The following TXNDC16 variants were observed in gnomAD, a reference collection of about 807,000 sequenced individuals.
TXNDC16 encodes the protein thioredoxin domain containing 16.
Under a neutral mutation model 85.6 loss-of-function variants are expected in TXNDC16, and 74 were observed. That is an observed-to-expected ratio of 0.86 (90% confidence interval 0.72 to 1.05). TXNDC16 has a LOEUF of 1.05. TXNDC16 is among the 50% of genes least tolerant of loss of function. The probability of loss-of-function intolerance (pLI) is 0.00; values close to 1 mark genes in which losing one functional copy is unlikely to be tolerated. For missense variants in TXNDC16, 959 were observed against 947.0 expected, an observed-to-expected ratio of 1.01 and a Z score of -0.17; for synonymous variants, 335 against 326.5, an observed-to-expected ratio of 1.03 and a Z score of -0.28.
intron 6 of TXNDC16, among the ~76,000 whole-genome samples, chr14:52,525,744 T>TAATAATAATAAA (rs1388745451): frequency 1.3e-4 from 14 of 105,130 alleles, no homozygotes; most frequent in African/African-American, 2.9e-4. Flanking sequence ...ATAATAATAA[T>TAATAATAATAAA]AAATAAAAAT....
Position 52,514,973 on chromosome 14 carries a change from G to C in TXNDC16, c.515-3C>G. 6.2e-7 allele frequency: 1 copy of C among 1,607,576 alleles called. No individual in the cohort carries two copies. Among genetic ancestry groups the C allele is most frequent in the Non-Finnish European group, 8.5e-7 (1 of 1,176,410 alleles). The stretch of plus-strand genomic sequence containing the variant: ...GGCTTCCATGACTGCTCTGTGCTCT[G>C]AAGAAGAGATAAAGGGAGTTGGAAG... On this transcript the variant is annotated splice_polypyrimidine_tract_variant and splice_region_variant and intron_variant, in intron 7 of 20. Transcript: ENST00000281741.
Position 52,494,449 on chromosome 14 carries a change from A to G in TXNDC16, c.757-3444T>C, listed in dbSNP as rs368438958. Among the ~76,000 whole-genome samples, 7 of 152,226 alleles carry G rather than the reference A, an allele frequency of 4.6e-5. No homozygotes were observed. In the East Asian group the frequency reaches 1.3e-3, roughly 29 times the overall value. ...CAACCCCTGTCCAACAGCCAGCAAG[A>G]AAACAGAAACCTGGGTCTTACAACC... is the stretch of plus-strand genomic sequence containing the variant. On this transcript the variant is annotated intron_variant, in intron 9 of 20. Transcript: ENST00000281741.
intron 1 of TXNDC16, among the ~76,000 whole-genome samples, chr14:52,549,158 G>C (rs2037996175): frequency 6.6e-6 from 1 of 152,188 alleles, no homozygotes; most frequent in African/African-American, 2.4e-5. Context: ...TTGATCCTTT[G>C]GGCTGCGAGA....
intron 14 of TXNDC16, among the ~76,000 whole-genome samples, chr14:52,477,888 G>A (rs182208125): frequency 2.9e-4 from 44 of 152,138 alleles, no homozygotes; most frequent in Admixed American, 1.3e-3. Context: ...CTATTCAACA[G>A]CACATGGAAC....
At chr14:52,466,148 G>A (rs2035767286) in intron 16 of TXNDC16, among the ~76,000 whole-genome samples, 1 of 150,998 alleles carries the variant, frequency 6.6e-6, no homozygotes, top group Admixed American at 6.6e-5. Context: ...ATAAATAAAA[G>A]CTCAGCAATA....
intron 9 of TXNDC16, among the ~76,000 whole-genome samples, chr14:52,509,921 C>T (rs897571654): frequency 6.6e-6 from 1 of 151,238 alleles, no homozygotes; most frequent in African/African-American, 2.4e-5. Context: ...GAGGAGCTTG[C>T]AGTGAGCCGA....
At chr14:52,502,399 C>CTGCATGTATAAAA (rs1254604425) in intron 9 of TXNDC16, among the ~76,000 whole-genome samples, 4 of 150,662 alleles carry the variant, frequency 2.7e-5, no homozygotes, top group Non-Finnish European at 5.9e-5. Context: ...TGGCACAACT[C>CTGCATGTATAAAA]TACAAAGTAC....
chr14:52,497,080 G>C (rs915957682), intron 9 of TXNDC16, among the ~76,000 whole-genome samples: 3 of 151,962 alleles, frequency 2.0e-5, no homozygotes, highest in African/African-American at 7.2e-5. Flanking sequence ...AAACATTCTT[G>C]CATTGGGGTA....
chr14:52,531,300 A>G (rs987581118), intron 6 of TXNDC16, among the ~76,000 whole-genome samples: 4 of 152,154 alleles, frequency 2.6e-5, no homozygotes, highest in Non-Finnish European at 4.4e-5. Flanking sequence ...CATACAGTCC[A>G]GCAATCACAC....
intron 6 of TXNDC16, among the ~76,000 whole-genome samples, chr14:52,535,741 C>A (rs970286577): frequency 6.6e-6 from 1 of 152,156 alleles, no homozygotes; most frequent in Non-Finnish European, 1.5e-5. Flanking sequence ...TAAACTTTCT[C>A]TCAGTAAACA....
At chr14:52,502,885 G>A (rs982691387) in intron 9 of TXNDC16, among the ~76,000 whole-genome samples, 8 of 152,300 alleles carry the variant, frequency 5.3e-5, no homozygotes, top group African/African-American at 1.4e-4. Context: ...CTAACACTGC[G>A]CTTTTCCAAC....
chr14:52,469,028 G>A (rs990171462), intron 16 of TXNDC16, among the ~76,000 whole-genome samples: 1 of 151,910 alleles, frequency 6.6e-6, no homozygotes, highest in South Asian at 2.1e-4. Context: ...AAAAAAAAAG[G>A]AAACAGTACA....
At chr14:52,528,179 G>A (rs991438982) in intron 6 of TXNDC16, among the ~76,000 whole-genome samples, 7 of 152,038 alleles carry the variant, frequency 4.6e-5, no homozygotes, top group African/African-American at 1.4e-4. Flanking sequence ...TTCTGCTGAC[G>A]AAGTAGCAAA....
intron 6 of TXNDC16, among the ~76,000 whole-genome samples, chr14:52,524,378 T>C (rs1290594931): frequency 6.6e-6 from 1 of 152,242 alleles, no homozygotes; most frequent in Non-Finnish European, 1.5e-5. Context: ...CAAAATACAG[T>C]ATTGTCACAA....
chr14:52,486,296 T>C lies in TXNDC16; in HGVS notation c.1108+2067A>G, dbSNP rs912563878. Among the ~76,000 whole-genome samples, 3 of 150,246 alleles carry C rather than the reference T, an allele frequency of 2.0e-5. No individual in the cohort carries two copies. The East Asian group carries it at 5.8e-4, about 29-fold the overall frequency. The stretch of plus-strand genomic sequence containing the variant: ...ACACATGCTGCTTTTTTTTTTTTTT[T>C]TTTTTGAGACAGGGTCTCACTCTGT... On this transcript the variant is annotated intron_variant, in intron 12 of 20. Coordinates refer to ENST00000281741, the MANE Select transcript of TXNDC16 (RefSeq NM_020784.3).
chr14:52,449,475 G>C (rs1351712023), intron 18 of TXNDC16, among the ~76,000 whole-genome samples: 3 of 152,130 alleles, frequency 2.0e-5, no homozygotes, highest in African/African-American at 4.8e-5. Context: ...GCCAAAGATA[G>C]AGATAAACTC....
chr14:52,469,952 T>A (rs2035864527), intron 16 of TXNDC16, 85 bp downstream of exon 16: 11 of 1,289,820 alleles, frequency 8.5e-6, no homozygotes, highest in Non-Finnish European at 1.1e-5. Context: ...AAATTCTCTA[T>A]AATTTAAAAA....
At chr14:52,543,341 G>A in intron 3 of TXNDC16, 57 bp downstream of exon 3, 1 of 1,536,232 alleles carries the variant, frequency 6.5e-7, no homozygotes, top group Non-Finnish European at 8.8e-7. Flanking sequence ...TGAACTTACT[G>A]ATTAAATAGC....
chr14:52,486,967 T>C (rs1051500623), intron 12 of TXNDC16, among the ~76,000 whole-genome samples: 3 of 151,738 alleles, frequency 2.0e-5, no homozygotes, highest in Non-Finnish European at 4.4e-5. Context: ...ATTAAAAAAA[T>C]GGAAATAAAA....
Sources: allele counts gnomAD v4.1 joint callset (sites outside exome capture counted in the v4.1 genomes callset), GRCh38; gene constraint gnomAD v4.1.1; transcripts MANE v1.5; gene names NCBI Gene and HGNC (gene_info 2026-07-23, HGNC 2026-07-21).